The following ELMO1 variants were observed in gnomAD, a reference collection of about 807,000 sequenced individuals.
ELMO1 encodes engulfment and cell motility protein 1.
A neutral mutation model predicts 98.9 loss-of-function variants in ELMO1; 26 were observed. The ratio of observed to expected loss-of-function variants is 0.26; its 90% CI spans 0.19 to 0.36. The LOEUF (loss-of-function observed/expected upper bound fraction) is 0.36. Ranked by LOEUF, ELMO1 falls within the 10% of genes least tolerant of loss-of-function variation. ELMO1 has a pLI of 1.00. For missense variants in ELMO1, 627 were observed against 935.2 expected, an observed-to-expected ratio of 0.67 and a Z score of 4.30; for synonymous variants, 346 against 346.0, an observed-to-expected ratio of 1.00 and a Z score of 0.00.
intron 1 of ELMO1, among the ~76,000 whole-genome samples, chr7:37,378,058 G>A (rs747318411): frequency 1.6e-4 from 24 of 152,146 alleles, no homozygotes; most frequent in Non-Finnish European, 3.1e-4. Context: ...TTCTTCCCAA[G>A]GCAATTCCCA....
Position 37,278,416 on chromosome 7 carries a change from G to A in ELMO1, c.193-6534C>T, listed in dbSNP as rs536989255. On this transcript the variant is annotated intron_variant, in intron 4 of 21. Transcript: ENST00000310758. The stretch of plus-strand genomic sequence containing the variant: ...CCCAGCTACTTGGGAGGCTGAGGTG[G>A]GATGATTGCTTGAGCCCAGAAAGTT... 2.8e-4 allele frequency among the ~76,000 whole-genome samples: 43 copies of A among 152,058 alleles called. 1 individual carries two copies. In the South Asian group the frequency reaches 8.1e-3, roughly 29 times the overall value.
intron 5 of ELMO1, among the ~76,000 whole-genome samples, chr7:37,263,437 T>C (rs1177421446): frequency 6.6e-6 from 1 of 152,206 alleles, no homozygotes; most frequent in African/African-American, 2.4e-5. Context: ...ACAGCTACGG[T>C]TCTCAACCTC....
chr7:36,962,202 A>G (rs1789006389), intron 16 of ELMO1, among the ~76,000 whole-genome samples: 1 of 152,188 alleles, frequency 6.6e-6, no homozygotes, highest in South Asian at 2.1e-4. Context: ...GGGGCCCCTG[A>G]AGAGCCAAGC....
At chr7:37,122,050 A>T (rs1002019388) in intron 14 of ELMO1, among the ~76,000 whole-genome samples, 1 of 152,206 alleles carries the variant, frequency 6.6e-6, no homozygotes, top group East Asian at 1.9e-4. Flanking sequence ...TCATAAGTGA[A>T]GAAGAAATAA....
chr7:37,378,480 G>A (rs1802449529), intron 1 of ELMO1, among the ~76,000 whole-genome samples: 1 of 152,028 alleles, frequency 6.6e-6, no homozygotes, highest in African/African-American at 2.4e-5. Context: ...AATAGAAAGA[G>A]GGGTTACCAA....
chr7:37,163,654 C>G (rs1377095327), intron 13 of ELMO1, among the ~76,000 whole-genome samples: 1 of 152,230 alleles, frequency 6.6e-6, no homozygotes, highest in South Asian at 2.1e-4. Flanking sequence ...CATCCATGTC[C>G]CTACAAAGGA....
intron 2 of ELMO1, among the ~76,000 whole-genome samples, chr7:37,321,176 A>G (rs1799471343): frequency 6.6e-6 from 1 of 152,218 alleles, no homozygotes; most frequent in South Asian, 2.1e-4. Flanking sequence ...CTAGCCTGGT[A>G]TCCTTGTTTG....
At position 37,279,204 on chromosome 7, in the gene ELMO1, A is replaced by AAAACAAAC. The variant is rs80120876; in HGVS notation, c.193-7330_193-7323dup. On this transcript the variant is annotated intron_variant, in intron 4 of 21. Transcript: ENST00000310758. ...GCAACAACAGCGAAACTCCGTTTCA[A>AAAACAAAC]AAACAAACAAACAAACAAACAAACA... 3.9e-3 allele frequency among the ~76,000 whole-genome samples: 585 copies of AAAACAAAC among 150,696 alleles called. 3 individuals are homozygous for AAAACAAAC. The highest frequency in any genetic ancestry group is 0.021 in the Middle Eastern group (6 of 292).
rs143998946 is a variant in ELMO1 at position 36,979,103 on chromosome 7, T to G, written c.1437+34196A>C. Among the ~76,000 whole-genome samples, 227 of 152,302 alleles carry G rather than the reference T, an allele frequency of 1.5e-3. 3 individuals carry two copies. In the East Asian group the frequency reaches 0.038, roughly 26 times the overall value. ...CTTGTAAGTGTAGTGCCTTTCTCTC[T>G]GGGTGGCCTTTAATGCTAGAGGGTT... is the stretch of plus-strand genomic sequence containing the variant. On this transcript the variant is annotated intron_variant, in intron 16 of 21. Transcript: ENST00000310758.
chr7:37,365,591 T>A (rs1801873112), intron 1 of ELMO1, among the ~76,000 whole-genome samples: 1 of 152,300 alleles, frequency 6.6e-6, no homozygotes, highest in East Asian at 1.9e-4. Flanking sequence ...AAAACTTGAT[T>A]TCAGCCATCA....
intron 14 of ELMO1, among the ~76,000 whole-genome samples, chr7:37,128,237 A>G (rs1786664979): frequency 6.6e-6 from 1 of 152,142 alleles, no homozygotes; most frequent in Non-Finnish European, 1.5e-5. Context: ...TAAAAAAAGA[A>G]AAACAAAACA....
Position 37,364,414 on chromosome 7 carries a change from C to T in ELMO1, c.-73-21651G>A, listed in dbSNP as rs549753836. The stretch of plus-strand genomic sequence containing the variant: ...ACATATTTATTCTTAAACTAGAGAT[C>T]TCCTGAAGAGTTTTATTCACACTTG... On this transcript the variant is annotated intron_variant, in intron 1 of 21. Coordinates refer to ENST00000310758, the MANE Select transcript of ELMO1 (RefSeq NM_014800.11). 1.6e-3 allele frequency among the ~76,000 whole-genome samples: 247 copies of T among 152,316 alleles called. 1 individual carries two copies. Among genetic ancestry groups the T allele is most frequent in the Middle Eastern group, 0.01 (3 of 294 alleles).
chr7:37,194,524 G>A (rs963424352), intron 13 of ELMO1, among the ~76,000 whole-genome samples: 3 of 152,002 alleles, frequency 2.0e-5, no homozygotes, highest in Admixed American at 6.6e-5. Flanking sequence ...TACTACCACC[G>A]AAGTGAAATC....
intron 14 of ELMO1, among the ~76,000 whole-genome samples, chr7:37,107,990 G>T (rs1015553007): frequency 1.3e-5 from 2 of 152,024 alleles, no homozygotes; most frequent in Non-Finnish European, 2.9e-5. Flanking sequence ...TAATAAATTG[G>T]CCATTTCAGG....
At chr7:36,865,285 A>G (rs952540791) in intron 20 of ELMO1, among the ~76,000 whole-genome samples, 1 of 152,206 alleles carries the variant, frequency 6.6e-6, no homozygotes, top group Non-Finnish European at 1.5e-5. Flanking sequence ...ATAACTCGGC[A>G]TGTGTGTGGG....
At chr7:36,928,514 GT>G (rs1305039683) in intron 16 of ELMO1, among the ~76,000 whole-genome samples, 6 of 151,964 alleles carry the variant, frequency 3.9e-5, no homozygotes, top group Non-Finnish European at 5.9e-5. Context: ...TTACACCATC[GT>G]TTTTTTTCCT....
At chr7:37,315,992 AGTTTC>A (rs753532817) in intron 2 of ELMO1, 32 bp from the exon 3 acceptor site, 40 of 1,452,832 alleles carry the variant, frequency 2.8e-5, no homozygotes, top group South Asian at 5.0e-5. Context: ...AATACTTGTT[AGTTTC>A]GTTTCATCAT....
At chr7:36,948,421 T>C (rs967512884) in intron 16 of ELMO1, among the ~76,000 whole-genome samples, 3 of 152,200 alleles carry the variant, frequency 2.0e-5, no homozygotes, top group African/African-American at 4.8e-5. Flanking sequence ...TTGGCATACA[T>C]TGTCCTTTTA....
At chr7:37,181,463 T>A (rs1261288900) in intron 13 of ELMO1, among the ~76,000 whole-genome samples, 1 of 152,192 alleles carries the variant, frequency 6.6e-6, no homozygotes, top group Non-Finnish European at 1.5e-5. Flanking sequence ...GCAGATTGGA[T>A]GGCCTTTGAG....
Sources: allele counts gnomAD v4.1 joint callset (sites outside exome capture counted in the v4.1 genomes callset), GRCh38; gene constraint gnomAD v4.1.1; transcripts MANE v1.5; gene names NCBI Gene and HGNC (gene_info 2026-07-23, HGNC 2026-07-21).